Variants in UBR4 observed in about 807,000 individuals in gnomAD.
UBR4 encodes the protein E3 ubiquitin-protein ligase UBR4.
UBR4 carries 124 observed loss-of-function variants against 575.6 expected under a neutral mutation model. The ratio of observed to expected loss-of-function variants is 0.22; its 90% CI spans 0.19 to 0.25. The LOEUF (loss-of-function observed/expected upper bound fraction) is 0.25. Ranked by LOEUF, UBR4 falls within the 10% of genes least tolerant of loss-of-function variation. The pLI, the probability that UBR4 is intolerant of heterozygous loss-of-function variation, is 1.00. For missense variants in UBR4, 4,818 were observed against 6,478.8 expected, an observed-to-expected ratio of 0.74 and a Z score of 8.80; for synonymous variants, 2,455 against 2,473.7, an observed-to-expected ratio of 0.99 and a Z score of 0.22.
chr1:19,169,700 C>A (rs1420948919), intron 26 of UBR4, among the ~76,000 whole-genome samples, 168 bp from the exon 27 acceptor site: 1 of 152,198 alleles, frequency 6.6e-6, no homozygotes, highest in Non-Finnish European at 1.5e-5. Flanking sequence ...TGTCCAAGAA[C>A]CAGTTAATTG....
In UBR4 at chr1:19,152,603, T is replaced by C; in HGVS notation, c.6833-127A>G. 7.8e-7 allele frequency: 1 copy of C among 1,278,354 alleles called. No homozygotes were observed. Among genetic ancestry groups the C allele is most frequent in the South Asian group, 1.4e-5 (1 of 70,934 alleles). 79.2% of individuals were successfully genotyped at this position (1,278,354 alleles called of 1,614,324 possible). ...CTAAGCAAACTCTGGATTATAACAT[T>C]TGCATCGGCATGATGCCTACATGTG... is the stretch of plus-strand genomic sequence containing the variant. On this transcript the variant is annotated intron_variant, in intron 46 of 105. Transcript: ENST00000375254. The surrounding 1 kb of genome is among the most constrained non-coding windows in gnomAD (Gnocchi z 4.4).
At chr1:19,154,828 A>G (rs966706138) in intron 44 of UBR4, 90 bp downstream of exon 44, 1 of 1,552,022 alleles carries the variant, frequency 6.4e-7, no homozygotes. Flanking sequence ...AAGTTTCACA[A>G]AACTCAGAAC....
intron 42 of UBR4, among the ~76,000 whole-genome samples, chr1:19,156,006 T>C (rs796994641): frequency 6.6e-5 from 10 of 152,290 alleles, no homozygotes; most frequent in African/African-American, 2.4e-4. Flanking sequence ...TGACAAAATA[T>C]GGCTTGTTAT....
rs913811868 is a variant in UBR4, at chr1:19,113,925, C to T, written c.11328+20G>A. ...AAGACCCAAGCCCTTATCCAAATGC[C>T]CTTTGCAGCGTGGGACTACCTGTGG... On this transcript the variant is annotated intron_variant, in intron 76 of 105. Transcript: ENST00000375254. 2 of 1,614,204 alleles carry T rather than the reference C, an allele frequency of 1.2e-6. No individual in the cohort carries two copies. Among genetic ancestry groups the T allele is most frequent in the Admixed American group, 3.3e-5 (2 of 60,018 alleles).
chr1:19,187,165 T>G lies in UBR4; in HGVS notation c.1631A>C (p.Lys544Thr). 1 of 1,608,166 alleles carries G rather than the reference T, an allele frequency of 6.2e-7. No individual in the cohort carries two copies. Among genetic ancestry groups the G allele is most frequent in the East Asian group, 2.2e-5 (1 of 44,722 alleles). Residue 544 changes from lysine to threonine, a missense_variant and splice_region_variant, in exon 13 of 106, where the codon AAG (lysine) becomes ACG (threonine). This residue lies in a region of UBR4 where 162 missense variants were observed against 216.4 expected (regional missense o/e 0.75). Coordinates refer to ENST00000375254, the MANE Select transcript of UBR4 (RefSeq NM_020765.3). ...ATCAATGGCTTAACTCCCACCCACC[T>G]TTCTGTAGGAAGTTGAAAGTAACGT... Reference protein sequence around the residue: ...LLTLLSTSYRKACVLQRQRKG... With the variant: ...LLTLLSTSYRTACVLQRQRKG...
At chr1:19,075,985 C>T (rs907485829) in intron 105 of UBR4, among the ~76,000 whole-genome samples, 3 of 152,160 alleles carry the variant, frequency 2.0e-5, no homozygotes, top group Non-Finnish European at 4.4e-5. Context: ...CTTTGTAGGG[C>T]GGGTGCTCTG....
intron 105 of UBR4, among the ~76,000 whole-genome samples, chr1:19,076,295 C>A (rs1045164468): frequency 6.6e-6 from 1 of 152,222 alleles, no homozygotes. Flanking sequence ...TGACCTAAGA[C>A]GCAGGAGGAA....
Position 19,161,605 on chromosome 1 carries a change from T to C in UBR4, c.5159A>G (p.Glu1720Gly). The C allele has an allele frequency of 6.2e-7, 1 of 1,610,424 alleles. No individual in the cohort carries two copies. The change falls in exon 37 of 106, where the codon GAA becomes GGA. Residue 1720 changes from glutamate (E) to glycine (G), a missense_variant. Coordinates refer to ENST00000375254, the MANE Select transcript of UBR4 (RefSeq NM_020765.3). ...GSFFCDCGAK[E>G]DGSCLALVKR... ...TCCTCTCACCAAACAGCTGCCATCT[T>C]CCTTGGCTCCACAGTCACAGAAGAA...
At chr1:19,138,226 T>A in intron 59 of UBR4, 45 bp from the exon 60 acceptor site, 1 of 1,456,834 alleles carries the variant, frequency 6.9e-7, no homozygotes, top group Non-Finnish European at 9.1e-7. Flanking sequence ...TCCCAAAGCA[T>A]GAAGGAACCC....
At chr1:19,145,023 G>A in intron 53 of UBR4, 116 bp from the exon 54 acceptor site, 1 of 1,210,406 alleles carries the variant, frequency 8.3e-7, no homozygotes, top group Non-Finnish European at 1.2e-6. Flanking sequence ...CAAACAAAAT[G>A]ACAAACACTC....
Position 19,074,876 on chromosome 1 carries a change from C to A in UBR4, c.15508G>T (p.Asp5170Tyr). Residue 5170 changes from aspartate to tyrosine, a missense_variant, in exon 106 of 106, where the codon GAT becomes TAT. Asp to Tyr is a radical substitution (Grantham distance 160). Around this residue, in one of 29 missense-constraint regions of UBR4, gnomAD observed 212 missense variants for 221.3 expected, o/e 0.96. Coordinates refer to ENST00000375254, the MANE Select transcript of UBR4 (RefSeq NM_020765.3). Reference sequence around the variant, plus strand: ...AGGTCCTTCAGGAAGCTCTCTGGATCGGTGATTTCTGATAAAAGACCTGCA... The same window carrying A: ...AGGTCCTTCAGGAAGCTCTCTGGATAGGTGATTTCTGATAAAAGACCTGCA... Reference protein sequence around the residue: ...DVAGLLSEITDPESFLKDLLN... With the variant: ...DVAGLLSEITYPESFLKDLLN... The A allele has an allele frequency of 6.2e-7, 1 of 1,614,006 alleles. No homozygotes were observed. The highest frequency in any genetic ancestry group is 8.5e-7 in the Non-Finnish European group (1 of 1,179,940).
intron 91 of UBR4, 151 bp from the exon 92 acceptor site, chr1:19,096,801 A>G: frequency 8.4e-7 from 1 of 1,184,494 alleles, no homozygotes; most frequent in East Asian, 2.4e-5. Context: ...GGGGTCAATG[A>G]TGGATGATAT....
intron 91 of UBR4, 65 bp downstream of exon 91, chr1:19,097,127 AG>A: frequency 7.2e-7 from 1 of 1,384,940 alleles, no homozygotes; most frequent in Non-Finnish European, 9.8e-7. Context: ...AATGCCCCTA[AG>A]TCCTGGGACG....
At chr1:19,135,516 C>T (rs2083103008) in intron 60 of UBR4, among the ~76,000 whole-genome samples, 2 of 152,152 alleles carry the variant, frequency 1.3e-5, no homozygotes, top group Admixed American at 6.5e-5. Flanking sequence ...AATCCATAAA[C>T]ATGATGTAGT....
At position 19,167,134 on chromosome 1, in the gene UBR4, A is replaced by G. The variant is rs2275401; in HGVS notation, c.3997T>C (p.Ser1333Pro). Residue 1333 changes from serine (S) to proline (P), a missense_variant, in exon 29 of 106, where the codon TCC (serine) becomes CCC (proline). Physicochemically the swap from Ser to Pro is moderately conservative, Grantham distance 74. Transcript: ENST00000375254. ...GCAGGGCCCAAGATGCGTTCCAGGG[A>G]GTTGCTACTGATCTCGGCAACACTC... ...TESVAEISSNSLERILGPAES... is the reference protein window; with the variant it reads ...TESVAEISSNPLERILGPAES... The G allele has an allele frequency of 6.4e-5, 103 of 1,614,204 alleles. No individual in the cohort carries two copies. In the East Asian group the frequency reaches 2.2e-3, roughly 35 times the overall value.
At position 19,210,141 on chromosome 1, in the gene UBR4, C is replaced by A; in HGVS notation, c.108G>T (p.Leu36=). 2 of 1,581,900 alleles carry A rather than the reference C, an allele frequency of 1.3e-6. No homozygotes were observed. Among genetic ancestry groups the A allele is most frequent in the East Asian group, 2.5e-5 (1 of 40,758 alleles). ...TPGWEVAVRP[L]LSASYSAFEM... is the part of the protein sequence containing the mutation. ...CGAAGGCGGAGTAGGACGCGGACAG[C>A]AGGGGCCGCACAGCCACCTCCCAGC... is the stretch of plus-strand genomic sequence containing the variant. The change falls in exon 1 of 106, where the codon CTG becomes CTT. Residue 36 remains leucine, a synonymous_variant. Transcript: ENST00000375254.
At chr1:19,143,294 G>GA (rs1480055215) in intron 55 of UBR4, among the ~76,000 whole-genome samples, 2 of 97,288 alleles carry the variant, frequency 2.1e-5, no homozygotes, top group African/African-American at 8.5e-5. Context: ...AAGAAAGAAA[G>GA]AAAGAAAGAA....
At position 19,160,227 on chromosome 1, in the gene UBR4, C is replaced by T. The variant is rs1211590761; in HGVS notation, c.5461G>A (p.Ala1821Thr). The T allele has an allele frequency of 1.2e-6, 2 of 1,611,508 alleles. No individual in the cohort carries two copies. The highest frequency in any genetic ancestry group is 1.7e-5 in the Admixed American group (1 of 59,658). Residue 1821 changes from alanine to threonine, a missense_variant, in exon 39 of 106, where the codon GCC (alanine) becomes ACC (threonine). By Grantham distance (58) the Ala-to-Thr change is moderately conservative. This residue lies in a region of UBR4 where 159 missense variants were observed against 174.6 expected (regional missense o/e 0.91). Transcript: ENST00000375254. The stretch of plus-strand genomic sequence containing the variant: ...GCTTGCTGGAAGTTGGTCTGAATGG[C>T]ATCCATAAGGAAATTAAGCATGTCT... ...VLDMLNFLMD[A>T]IQTNFQQASA...
intron 8 of UBR4, among the ~76,000 whole-genome samples, chr1:19,195,969 TACACACACACACACACACACACACACAC>T (rs55820713): frequency 7.5e-6 from 1 of 134,050 alleles, no homozygotes; most frequent in Non-Finnish European, 1.6e-5. Context: ...GACTTACTTA[TACACACACACACACACACACACACACAC>T]ACACACACAC....
Sources: gnomAD v4.1 joint callset for allele counts (sites outside exome capture counted in the v4.1 genomes callset) on GRCh38, gnomAD v4.1.1 for gene constraint, gnomAD v4.1.1 regional missense constraint, Gnocchi (gnomAD v3.1) non-coding constraint, MANE v1.5 for transcripts, NCBI Gene and HGNC (gene_info 2026-07-23, HGNC 2026-07-21) for gene names.